PCDH15: variants seen among roughly 807,000 people sequenced by gnomAD.
PCDH15 encodes protocadherin-15.
Under a neutral mutation model 178.5 loss-of-function variants are expected in PCDH15, and 129 were observed. The ratio of observed to expected loss-of-function variants is 0.72; its 90% CI spans 0.63 to 0.84. The LOEUF (loss-of-function observed/expected upper bound fraction) is 0.84, where lower values mean the gene tolerates loss of function less well. Among genes scored for constraint, PCDH15 ranks in the 40% least tolerant of loss-of-function variants. PCDH15 has a pLI of 0.00. For missense variants in PCDH15, 2,230 were observed against 2,099.9 expected (o/e 1.06, Z -1.21); for synonymous variants, 800 against 732.0 (o/e 1.09, Z -1.50).
Position 54,317,402 on chromosome 10 carries a change from T to C in PCDH15, c.745A>G (p.Thr249Ala), listed in dbSNP as rs770262909. The C allele has an allele frequency of 1.9e-6, 3 of 1,613,806 alleles. No homozygotes were observed. Residue 249 changes from threonine (T) to alanine (A), a missense_variant, in exon 8 of 38, where the codon ACC (threonine) becomes GCC (alanine). Transcript: ENST00000644397. The stretch of plus-strand genomic sequence containing the variant: ...TCCAGAACATCCACTGTGAGAGTGG[T>C]GGTGGTGGTTCGCCTCTCATTCAGA... ...QNLNERRTTTTTLTVDVLDGD... is the reference protein window; with the variant it reads ...QNLNERRTTTATLTVDVLDGD...
rs1442571493 is a variant in PCDH15 at position 54,036,321 on chromosome 10, A to G, written c.2221-13124T>C. 2.0e-5 allele frequency among the ~76,000 whole-genome samples: 3 copies of G among 152,100 alleles called. No individual in the cohort carries two copies. The East Asian group carries it at 5.8e-4, about 30-fold the overall frequency. On this transcript the variant is annotated intron_variant, in intron 18 of 37. Transcript: ENST00000644397. ...TCCGTAACTTAAAACAGAGAGGTCA[A>G]TGCCTAGATTCAAGGTTTCAAAGGA...
intron 2 of PCDH15, among the ~76,000 whole-genome samples, chr10:55,408,146 C>T (rs1838245561): frequency 1.3e-5 from 2 of 151,962 alleles, no homozygotes; most frequent in Non-Finnish European, 2.9e-5. Context: ...TAGAAAACCA[C>T]TAACTCATGT....
At chr10:55,404,751 T>C in intron 2 of PCDH15, among the ~76,000 whole-genome samples, 1 of 152,022 alleles carries the variant, frequency 6.6e-6, no homozygotes, top group Non-Finnish European at 1.5e-5. Flanking sequence ...TTAATTTGTG[T>C]ATTTTAATAC....
At chr10:54,094,825 T>C (rs900790417) in intron 15 of PCDH15, among the ~76,000 whole-genome samples, 1 of 152,164 alleles carries the variant, frequency 6.6e-6, no homozygotes, top group African/African-American at 2.4e-5. Flanking sequence ...CTCTTTCCAG[T>C]CCACTCAACC....
intron 2 of PCDH15, among the ~76,000 whole-genome samples, chr10:54,543,105 G>A (rs11004368): frequency 6.6e-6 from 1 of 152,022 alleles, no homozygotes. Context: ...GAGAGCCGTG[G>A]CCCCCCAAAA....
chr10:55,375,934 C>T lies in PCDH15; in HGVS notation c.-155-209283G>A, dbSNP rs12220906. The stretch of plus-strand genomic sequence containing the variant: ...AAAAACTATGTAATTTTTGAAAATA[C>T]TATGTTAATAAATATGAGTGTTTAT... On this transcript the variant is annotated intron_variant, in intron 2 of 5. Coordinates refer to the PCDH15 transcript ENST00000613346. 2.6e-5 allele frequency among the ~76,000 whole-genome samples: 4 copies of T among 151,752 alleles called. No homozygotes were observed. In the South Asian group the frequency reaches 8.4e-4, roughly 32 times the overall value.
chr10:54,513,449 A>G (rs1195562423), intron 3 of PCDH15, among the ~76,000 whole-genome samples: 1 of 151,914 alleles, frequency 6.6e-6, no homozygotes, highest in African/African-American at 2.4e-5. Context: ...GTCTAATTTT[A>G]TATGTCTACA....
chr10:54,187,984 G>T (rs2048628508), intron 11 of PCDH15, among the ~76,000 whole-genome samples: 1 of 151,618 alleles, frequency 6.6e-6, no homozygotes, highest in East Asian at 1.9e-4. Flanking sequence ...ATCATTTTAT[G>T]AGTTTTATGA....
At chr10:55,257,891 C>T (rs560230895) in intron 1 of PCDH15, among the ~76,000 whole-genome samples, 36 of 151,714 alleles carry the variant, frequency 2.4e-4, no homozygotes, top group South Asian at 1.0e-3. Context: ...AGACACTCCT[C>T]GAGAAGAGCA....
At chr10:54,404,186 G>T (rs1030426716) in intron 3 of PCDH15, among the ~76,000 whole-genome samples, 1 of 150,888 alleles carries the variant, frequency 6.6e-6, no homozygotes, top group African/African-American at 2.4e-5. Context: ...TAATATTCAG[G>T]CCCCAAAAAA....
intron 1 of PCDH15, among the ~76,000 whole-genome samples, chr10:54,713,240 C>A: frequency 6.6e-6 from 1 of 151,978 alleles, no homozygotes; most frequent in Non-Finnish European, 1.5e-5. Context: ...CACACACATA[C>A]ACACACAGGG....
At chr10:55,373,528 G>A (rs927831838) in intron 2 of PCDH15, among the ~76,000 whole-genome samples, 7 of 151,816 alleles carry the variant, frequency 4.6e-5, no homozygotes, top group African/African-American at 1.7e-4. Context: ...AAATACAGAA[G>A]GACAGTACAG....
intron 32 of PCDH15, chr10:53,821,876 ACTGTGAGATTGT>A: frequency 6.2e-7 from 1 of 1,613,356 alleles, no homozygotes; most frequent in Non-Finnish European, 8.5e-7. Context: ...AAGTAGATTG[ACTGTGAGATTGT>A]TTTTCAGTTC....
chr10:54,552,229 G>GACC (rs2086698766), intron 2 of PCDH15, among the ~76,000 whole-genome samples: 2 of 151,838 alleles, frequency 1.3e-5, no homozygotes, highest in South Asian at 4.1e-4. Context: ...GATTCTATAG[G>GACC]ACCACCCCTC....
chr10:54,407,191 G>A (rs1952797041), intron 3 of PCDH15, among the ~76,000 whole-genome samples: 1 of 152,088 alleles, frequency 6.6e-6, no homozygotes, highest in South Asian at 2.1e-4. Flanking sequence ...CAAATCAGTG[G>A]TTGCTTGGGG....
At chr10:54,952,334 C>T (rs897659139) in intron 2 of PCDH15, among the ~76,000 whole-genome samples, 3 of 151,774 alleles carry the variant, frequency 2.0e-5, no homozygotes, top group Admixed American at 6.6e-5. Flanking sequence ...AGGTCTACTT[C>T]GAGGATCTCT....
chr10:55,613,220 A>G lies in PCDH15; in HGVS notation c.-156+14405T>C, dbSNP rs1426988749. 5.3e-5 allele frequency among the ~76,000 whole-genome samples: 8 copies of G among 151,988 alleles called. No homozygotes were observed. In the East Asian group the frequency reaches 1.6e-3, roughly 29 times the overall value. On this transcript the variant is annotated intron_variant, in intron 2 of 5. Coordinates refer to the PCDH15 transcript ENST00000613346. Reference sequence around the variant, plus strand: ...TCTTTACCTTCAATCTTAAGCCCCAAAATGAAAGTTATTATTCTTGGCTCA... The same window carrying G: ...TCTTTACCTTCAATCTTAAGCCCCAGAATGAAAGTTATTATTCTTGGCTCA...
chr10:55,431,821 T>C (rs10430484), intron 2 of PCDH15, among the ~76,000 whole-genome samples: 55,398 of 151,880 alleles, frequency 0.36, 11,082 homozygotes, highest in East Asian at 0.85. Flanking sequence ...AAATAGCCCA[T>C]ATAGATTAGT....
chr10:53,925,055 GGCCAC>G (rs1326327099), intron 25 of PCDH15, among the ~76,000 whole-genome samples: 1 of 152,116 alleles, frequency 6.6e-6, no homozygotes, highest in Admixed American at 6.5e-5. Context: ...ATGTGGGTGG[GGCCAC>G]ATGAGGGAAT....
Sources: gnomAD v4.1 joint callset for allele counts (sites outside exome capture counted in the v4.1 genomes callset) on GRCh38, gnomAD v4.1.1 for gene constraint, MANE v1.5 for transcripts, NCBI Gene and HGNC (gene_info 2026-07-23, HGNC 2026-07-21) for gene names.